PGS1: variants seen among roughly 807,000 people sequenced by gnomAD.
PGS1 encodes the protein phosphatidylglycerophosphate synthase 1.
In PGS1, 44 loss-of-function variants were observed where a neutral mutation model predicts 58.3. The observed-to-expected ratio is 0.75, with a 90% CI of 0.59 to 0.97. PGS1 has a LOEUF of 0.97. Ranked by LOEUF, PGS1 falls within the 50% of genes least tolerant of loss-of-function variation. The pLI, the probability that PGS1 is intolerant of heterozygous loss-of-function variation, is 0.00. For missense variants in PGS1, 684 were observed against 731.1 expected, an observed-to-expected ratio of 0.94 and a Z score of 0.74; for synonymous variants, 330 against 311.0, an observed-to-expected ratio of 1.06 and a Z score of -0.64.
At position 78,423,646 on chromosome 17, in the gene PGS1, C is replaced by T. The variant is rs548751432; in HGVS notation, c.*11-415C>T. 9.1e-4 allele frequency: 420 copies of T among 459,250 alleles called. 1 individual carries two copies. The highest frequency in any genetic ancestry group is 1.3e-3 in the Non-Finnish European group (337 of 253,582). The allele number at this position is 459,250 out of a possible 1,614,324, so 28.4% of individuals were successfully genotyped here. A position where few individuals can be genotyped will look rare whatever the true frequency, so the allele number is the denominator to read the frequency against. ...TGGGAATTGGGGCCTTTCCCCAAAGCCTGAACCAGGCCTCACAGTGGCCAT... is the reference window on the plus strand; with the variant it reads ...TGGGAATTGGGGCCTTTCCCCAAAGTCTGAACCAGGCCTCACAGTGGCCAT... On this transcript the variant is annotated intron_variant, in intron 9 of 9. Transcript: ENST00000262764.
rs2086328011 is a variant in PGS1 at position 78,424,544 on chromosome 17, C to T, written c.*494C>T. ...TGTGTACATACACAATATAATTATA[C>T]ATCTGTGCATATAAATATTGCCTTT... On this transcript the variant is annotated 3_prime_UTR_variant, in exon 10 of 10. Transcript: ENST00000262764. The T allele has an allele frequency of 5.6e-6, 1 of 178,510 alleles. No homozygotes were observed. Among genetic ancestry groups the T allele is most frequent in the Non-Finnish European group, 1.2e-5 (1 of 84,948 alleles). 11.1% of individuals were successfully genotyped at this position (178,510 alleles called of 1,614,324 possible).
At chr17:78,389,210 G>A (rs538321093) in intron 1 of PGS1, among the ~76,000 whole-genome samples, 2 of 150,494 alleles carry the variant, frequency 1.3e-5, no homozygotes, top group East Asian at 2.0e-4. Flanking sequence ...TTTTTGAGAC[G>A]GAGTGTCGCT....
intron 1 of PGS1, among the ~76,000 whole-genome samples, chr17:78,381,616 C>T (rs373527799): frequency 1.1e-4 from 17 of 152,230 alleles, no homozygotes; most frequent in African/African-American, 3.1e-4. Context: ...TCTTGTAACT[C>T]GCTGATCATT....
At chr17:78,412,096 A>C (rs894053211) in intron 7 of PGS1, among the ~76,000 whole-genome samples, 1 of 151,682 alleles carries the variant, frequency 6.6e-6, no homozygotes, top group Non-Finnish European at 1.5e-5. Context: ...TTGTGAGCTG[A>C]AATCTTGAAA....
Position 78,419,653 on chromosome 17 carries a change from G to T in PGS1, c.1659G>T (p.Lys553Asn). 1 of 1,614,032 alleles carries T rather than the reference G, an allele frequency of 6.2e-7. No homozygotes were observed. The highest frequency in any genetic ancestry group is 8.5e-7 in the Non-Finnish European group (1 of 1,179,950). The part of the protein sequence containing the change: ...LWVKMVTPLI[K>N]NFF ...TGAAGATGGTGACTCCACTGATCAA[G>T]AACTTCTTCTGAGGACAGACAGGTG... Residue 553 changes from lysine (K) to asparagine (N), a missense_variant, in exon 9 of 10, where the codon AAG (lysine) becomes AAT (asparagine). Transcript: ENST00000262764.
intron 1 of PGS1, among the ~76,000 whole-genome samples, chr17:78,381,273 TGAGA>T (rs1416490859): frequency 6.6e-6 from 1 of 152,192 alleles, no homozygotes; most frequent in Non-Finnish European, 1.5e-5. Context: ...TTCATTAAGC[TGAGA>T]GAGATGATTG....
chr17:78,380,017 C>G (rs1481344418), intron 1 of PGS1, among the ~76,000 whole-genome samples: 2 of 151,828 alleles, frequency 1.3e-5, no homozygotes, highest in African/African-American at 2.4e-5. Context: ...CAGACATAAG[C>G]CACCACACCC....
At chr17:78,390,801 C>T (rs1179726724) in intron 1 of PGS1, among the ~76,000 whole-genome samples, 1 of 152,182 alleles carries the variant, frequency 6.6e-6, no homozygotes, top group African/African-American at 2.4e-5. Flanking sequence ...AAATTCATCT[C>T]CTTCAGCCTT....
intron 7 of PGS1, among the ~76,000 whole-genome samples, chr17:78,408,896 G>A (rs1216050849): frequency 1.3e-5 from 2 of 152,216 alleles, no homozygotes; most frequent in East Asian, 3.8e-4. Flanking sequence ...GCCTCGTGCT[G>A]CCGCAGACAC....
intron 8 of PGS1, among the ~76,000 whole-genome samples, chr17:78,418,131 C>T (rs145709385): frequency 2.1e-3 from 320 of 151,794 alleles, no homozygotes; most frequent in African/African-American, 6.4e-3. Flanking sequence ...GGTTTAATCA[C>T]GTTGGCCAGG....
At chr17:78,381,176 T>C (rs1035780405) in intron 1 of PGS1, among the ~76,000 whole-genome samples, 9 of 152,080 alleles carry the variant, frequency 5.9e-5, no homozygotes, top group African/African-American at 1.9e-4. Flanking sequence ...GGAGGGGCAG[T>C]GTGGCAGTGG....
intron 7 of PGS1, among the ~76,000 whole-genome samples, chr17:78,414,497 C>T (rs1390909987): frequency 6.6e-6 from 1 of 152,152 alleles, no homozygotes; most frequent in African/African-American, 2.4e-5. Flanking sequence ...GGGTTCGAGG[C>T]CCTGAGCTCT....
At chr17:78,381,904 G>A (rs1031836855) in intron 1 of PGS1, among the ~76,000 whole-genome samples, 4 of 152,192 alleles carry the variant, frequency 2.6e-5, no homozygotes, top group African/African-American at 7.2e-5. Context: ...TATTCATCAT[G>A]TGTGTATTGA....
rs185253847 is a variant in PGS1, at chr17:78,390,703, G to C, written c.144-1773G>C. Among the ~76,000 whole-genome samples the C allele has an allele frequency of 3.1e-4, 47 of 152,342 alleles. No homozygotes were observed. The East Asian group carries it at 8.5e-3, about 27-fold the overall frequency. On this transcript the variant is annotated intron_variant, in intron 1 of 9. Coordinates refer to ENST00000262764, the MANE Select transcript of PGS1 (RefSeq NM_024419.5). ...CTAGGATTCATAGTAGGTCAGGTCT[G>C]TGTGGGGCTCTGGGTGTGCGGTCCC... is the stretch of plus-strand genomic sequence containing the variant.
intron 7 of PGS1, among the ~76,000 whole-genome samples, chr17:78,406,654 G>A (rs970745273): frequency 1.1e-4 from 17 of 152,234 alleles, no homozygotes; most frequent in South Asian, 4.1e-4. Context: ...AGCCCGTGGC[G>A]GGTGTGGAAA....
chr17:78,388,982 G>A (rs1232936129), intron 1 of PGS1, among the ~76,000 whole-genome samples: 1 of 143,132 alleles, frequency 7.0e-6, no homozygotes, highest in Non-Finnish European at 1.5e-5. Flanking sequence ...GCTTTGTTGA[G>A]GGTTAAGTTG....
rs368048006 is a variant in PGS1 at position 78,424,110 on chromosome 17, C to A, written c.*60C>A. The A allele has an allele frequency of 1.4e-5, 22 of 1,613,662 alleles. 1 individual carries two copies. The highest frequency in any genetic ancestry group is 1.3e-4 in the East Asian group (6 of 44,880). Reference sequence around the variant, plus strand: ...GCATGGCCGGGGTCAGCTCTTTCAGCCGCGCTTCAGCGATGACTCCAGTCT... The same window carrying A: ...GCATGGCCGGGGTCAGCTCTTTCAGACGCGCTTCAGCGATGACTCCAGTCT... On this transcript the variant is annotated 3_prime_UTR_variant, in exon 10 of 10. Transcript: ENST00000262764.
chr17:78,390,553 A>G (rs938749014), intron 1 of PGS1, among the ~76,000 whole-genome samples: 1 of 152,214 alleles, frequency 6.6e-6, no homozygotes, highest in African/African-American at 2.4e-5. Context: ...TCATGAAGCA[A>G]GTGAGTGAAA....
At chr17:78,398,375 C>G (rs1212202828) in intron 4 of PGS1, 24 bp downstream of exon 4, 1 of 1,458,656 alleles carries the variant, frequency 6.9e-7, no homozygotes, top group Non-Finnish European at 9.6e-7. Flanking sequence ...AAGCCTGGCC[C>G]CTCCTGCTTC....
Sources: allele counts gnomAD v4.1 joint callset (sites outside exome capture counted in the v4.1 genomes callset), GRCh38; gene constraint gnomAD v4.1.1; transcripts MANE v1.5; gene names NCBI Gene and HGNC (gene_info 2026-07-23, HGNC 2026-07-21).